Variants in FABP5 observed in about 807,000 individuals in gnomAD.
FABP5 encodes fatty acid binding protein 5.
Under a neutral mutation model 16.9 loss-of-function variants are expected in FABP5, and 7 were observed. That is an observed-to-expected ratio of 0.41 (90% CI 0.24 to 0.78). The LOEUF is 0.78. Among genes scored for constraint, FABP5 ranks in the 30% least tolerant of loss-of-function variants. The pLI, the probability that FABP5 is intolerant of heterozygous loss-of-function variation, is 0.30. For missense variants in FABP5, 119 were observed against 159.5 expected (o/e 0.75, Z 1.37); for synonymous variants, 37 against 52.8 (o/e 0.70, Z 1.30).
chr8:81,283,398 A>G lies in FABP5; in HGVS notation c.112A>G (p.Met38Val), dbSNP rs751762311. The G allele has an allele frequency of 1.2e-6, 2 of 1,600,900 alleles. No individual in the cohort carries two copies. The highest frequency in any genetic ancestry group is 1.8e-5 in the Admixed American group (1 of 56,948). The change falls in exon 2 of 4, where the codon ATG (methionine) becomes GTG (valine). Residue 38 changes from methionine (M) to valine (V), a missense_variant. Met to Val is a conservative substitution (Grantham distance 21, BLOSUM62 1). Coordinates refer to ENST00000297258, the MANE Select transcript of FABP5 (RefSeq NM_001444.3). ...VGIALRKMGA[M>V]AKPDCIITCD... ...AATAGCTTTGCGAAAAATGGGCGCA[A>G]TGGCCAAGCCAGATTGTATCATCAC...
intron 1 of FABP5, 77 bp from the exon 2 acceptor site, chr8:81,283,289 C>A: frequency 1.6e-6 from 2 of 1,231,836 alleles, no homozygotes; most frequent in Non-Finnish European, 2.3e-6. Flanking sequence ...AAAGTGATTA[C>A]AATGGAATTA....
intron 3 of FABP5, 184 bp downstream of exon 3, chr8:81,284,158 T>A (rs996168917): frequency 1.7e-6 from 1 of 575,228 alleles, no homozygotes; most frequent in African/African-American, 1.9e-5. Context: ...TGACATGACA[T>A]AGGAGAGGAT....
At chr8:81,283,297 T>G (rs1373088707) in intron 1 of FABP5, 69 bp from the exon 2 acceptor site, 4 of 1,283,218 alleles carry the variant, frequency 3.1e-6, no homozygotes, top group Non-Finnish European at 2.2e-6. Context: ...TACAATGGAA[T>G]TATTGCTTTT....
intron 3 of FABP5, 179 bp from the exon 4 acceptor site, chr8:81,284,335 A>G: frequency 3.5e-6 from 2 of 564,800 alleles, no homozygotes; most frequent in Admixed American, 6.3e-5. Context: ...AAACATGCAT[A>G]TTATAAGCAA....
chr8:81,281,414 C>T lies in FABP5; in HGVS notation c.79+740C>T. Reference sequence around the variant, plus strand: ...GCGTGGCGCTGGCGGTGCCGACCTGCTGCTGGCACTGCCGGGCCGGGGCGC... The same window carrying T: ...GCGTGGCGCTGGCGGTGCCGACCTGTTGCTGGCACTGCCGGGCCGGGGCGC... On this transcript the variant is annotated intron_variant, in intron 1 of 3. Transcript: ENST00000297258. The surrounding 1 kb of genome is among the most constrained non-coding windows in gnomAD (Gnocchi z 4.5). 1.0e-6 allele frequency: 1 copy of T among 986,122 alleles called. No homozygotes were observed. Among genetic ancestry groups the T allele is most frequent in the South Asian group, 4.7e-5 (1 of 21,296 alleles). The allele number at this position is 986,122 out of a possible 1,614,324, so 61.1% of individuals were successfully genotyped here.
intron 1 of FABP5, 158 bp from the exon 2 acceptor site, chr8:81,283,208 T>G: frequency 1.7e-6 from 1 of 590,012 alleles, no homozygotes; most frequent in Non-Finnish European, 2.9e-6. Flanking sequence ...ATATGTAAAG[T>G]GCTGGCTCAT....
chr8:81,280,872 C>A, intron 1 of FABP5, 198 bp downstream of exon 1: 1 of 551,726 alleles, frequency 1.8e-6, no homozygotes, highest in Non-Finnish European at 3.3e-6. Flanking sequence ...GAGCAGGGAG[C>A]GTGCGCGCCT....
intron 1 of FABP5, among the ~76,000 whole-genome samples, chr8:81,282,145 C>T (rs1586289151): frequency 1.3e-5 from 2 of 149,134 alleles, no homozygotes; most frequent in South Asian, 2.2e-4. Context: ...AAGCGATTTA[C>T]TGCACCTGTC....
Position 81,281,547 on chromosome 8 carries a change from G to A in FABP5, c.79+873G>A, listed in dbSNP as rs1202511324. ...AGGGTGAGGAGGAAGGAGGCAGTGG[G>A]CTTTGCTGGAAAACCGTAACAGAAA... On this transcript the variant is annotated intron_variant, in intron 1 of 3. Coordinates refer to ENST00000297258, the MANE Select transcript of FABP5 (RefSeq NM_001444.3). This position sits in a 1 kb window ranked among gnomAD's most constrained non-coding sequence, Gnocchi z 4.5. The A allele has an allele frequency of 4.1e-6, 4 of 985,698 alleles. No homozygotes were observed. The highest frequency in any genetic ancestry group is 4.8e-6 in the Non-Finnish European group (4 of 830,228). The allele number at this position is 985,698 out of a possible 1,614,324, so 61.1% of individuals were successfully genotyped here.
At position 81,281,297 on chromosome 8, in the gene FABP5, A is replaced by C; in HGVS notation, c.79+623A>C. On this transcript the variant is annotated intron_variant, in intron 1 of 3. Coordinates refer to ENST00000297258, the MANE Select transcript of FABP5 (RefSeq NM_001444.3). This position sits in a 1 kb window ranked among gnomAD's most constrained non-coding sequence, Gnocchi z 4.5. ...CAGCTTCAGCTTGCATTCCTCTGTC[A>C]GCCCCGTCTCCCCCAGGTCCTCTGC... 1 of 959,710 alleles carries C rather than the reference A, an allele frequency of 1.0e-6. No homozygotes were observed. The highest frequency in any genetic ancestry group is 4.8e-5 in the South Asian group (1 of 20,786). The allele number at this position is 959,710 out of a possible 1,614,324, so 59.4% of individuals were successfully genotyped here. A position where few individuals can be genotyped will look rare whatever the true frequency, so the allele number is the denominator to read the frequency against.
At chr8:81,282,591 T>C (rs1277240297) in intron 1 of FABP5, among the ~76,000 whole-genome samples, 1 of 152,160 alleles carries the variant, frequency 6.6e-6, no homozygotes, top group Non-Finnish European at 1.5e-5. Flanking sequence ...GATCATAAAT[T>C]ACATGTTAAC....
In FABP5 at chr8:81,283,376, A is replaced by C; in HGVS notation, c.90A>C (p.Ile30=). The C allele has an allele frequency of 6.3e-7, 1 of 1,596,628 alleles. No homozygotes were observed. Among genetic ancestry groups the C allele is most frequent in the South Asian group, 1.1e-5 (1 of 87,410 alleles). ...DEYMKELGVG[I]ALRKMGAMAK... Reference sequence around the variant, plus strand: ...CTTAACATTCTACAGGAGTGGGAATAGCTTTGCGAAAAATGGGCGCAATGG... The same window carrying C: ...CTTAACATTCTACAGGAGTGGGAATCGCTTTGCGAAAAATGGGCGCAATGG... Residue 30 remains isoleucine (I), a synonymous_variant, in exon 2 of 4, where the codon ATA becomes ATC. Coordinates refer to ENST00000297258, the MANE Select transcript of FABP5 (RefSeq NM_001444.3).
chr8:81,280,641 A>T lies in FABP5; in HGVS notation c.46A>T (p.Ser16Cys), dbSNP rs758612549. The T allele has an allele frequency of 7.7e-6, 12 of 1,560,362 alleles. No homozygotes were observed. The South Asian group carries it at 1.3e-4, about 17-fold the overall frequency. ...QLEGRWRLVD[S>C]KGFDEYMKEL... ...GGAAGGAAGATGGCGCCTGGTGGAC[A>T]GCAAAGGCTTTGATGAATACATGAA... Residue 16 changes from serine to cysteine, a missense_variant, in exon 1 of 4, where the codon AGC (serine) becomes TGC (cysteine). Ser to Cys is a moderately radical substitution (Grantham distance 112, BLOSUM62 -1). Transcript: ENST00000297258.
intron 1 of FABP5, among the ~76,000 whole-genome samples, chr8:81,282,726 G>A (rs1807851922): frequency 1.3e-5 from 2 of 151,942 alleles, no homozygotes; most frequent in South Asian, 4.1e-4. Flanking sequence ...CCATTTGTTA[G>A]CATCATGATT....
At chr8:81,280,959 C>T (rs1586288496) in intron 1 of FABP5, 1 of 399,378 alleles carries the variant, frequency 2.5e-6, no homozygotes, top group Non-Finnish European at 4.6e-6. Flanking sequence ...TTTCCCTTCG[C>T]CCAAACGGCA....
At chr8:81,280,815 C>G in intron 1 of FABP5, 141 bp downstream of exon 1, 1 of 763,480 alleles carries the variant, frequency 1.3e-6, no homozygotes, top group Admixed American at 2.3e-5. Context: ...CCCCACCACG[C>G]GGCCGTTGGG....
chr8:81,283,179 A>AG, intron 1 of FABP5, 187 bp from the exon 2 acceptor site: 1 of 489,342 alleles, frequency 2.0e-6, no homozygotes, highest in East Asian at 3.4e-5. Flanking sequence ...GGCTGTTGTA[A>AG]GGCTTACCTG....
intron 1 of FABP5, 24 bp downstream of exon 1, chr8:81,280,698 C>T (rs369285448): frequency 1.6e-4 from 241 of 1,549,292 alleles, no homozygotes; most frequent in Middle Eastern, 3.3e-4. Context: ...CCTGGCAGCG[C>T]CTGCAACGTG....
In FABP5 at chr8:81,281,949, CG is replaced by C. The variant is rs1320991331; in HGVS notation, c.79+1276del. 6.6e-6 allele frequency among the ~76,000 whole-genome samples: 1 copy of C among 152,068 alleles called. No homozygotes were observed. Among genetic ancestry groups the C allele is most frequent in the South Asian group, 2.1e-4 (1 of 4,810 alleles). The stretch of plus-strand genomic sequence containing the variant: ...GGTTGCTCGCTGGTGAAATAACTAC[CG>C]TGACCCTCTATTGATACCTGGTCGC... On this transcript the variant is annotated intron_variant, in intron 1 of 3. Coordinates refer to ENST00000297258, the MANE Select transcript of FABP5 (RefSeq NM_001444.3). The surrounding 1 kb of genome is among the most constrained non-coding windows in gnomAD (Gnocchi z 4.5).
Sources: gnomAD v4.1 joint callset for allele counts (sites outside exome capture counted in the v4.1 genomes callset) on GRCh38, gnomAD v4.1.1 for gene constraint, Gnocchi (gnomAD v3.1) non-coding constraint, MANE v1.5 for transcripts, NCBI Gene and HGNC (gene_info 2026-07-23, HGNC 2026-07-21) for gene names.